The following FRMD4B variants were observed in gnomAD, a reference collection of about 807,000 sequenced individuals.
FRMD4B encodes the protein FERM domain-containing protein 4B.
In FRMD4B, 74 loss-of-function variants were observed where a neutral mutation model predicts 141.5. The observed-to-expected ratio is 0.52, with a 90% CI of 0.43 to 0.63. The LOEUF is 0.63. FRMD4B is among the 30% of genes least tolerant of loss of function. FRMD4B has a pLI of 0.00. For synonymous variants in FRMD4B, 506 were observed against 467.9 expected (o/e 1.08, Z -1.05); for missense variants, 1,366 against 1,253.4 (o/e 1.09, Z -1.36).
intron 1 of FRMD4B, among the ~76,000 whole-genome samples, chr3:69,341,762 A>G (rs148801667): frequency 3.9e-4 from 60 of 152,350 alleles, no homozygotes; most frequent in African/African-American, 1.3e-3. Context: ...CTTATAAAAT[A>G]GGCTTCATGC....
At chr3:69,378,533 G>A (rs539753193) in intron 1 of FRMD4B, among the ~76,000 whole-genome samples, 31 of 152,168 alleles carry the variant, frequency 2.0e-4, no homozygotes, top group Non-Finnish European at 4.4e-4. Context: ...GGATCCTGGG[G>A]CTGTTTGTTG....
chr3:69,501,498 G>A (rs898976664), intron 1 of FRMD4B, among the ~76,000 whole-genome samples: 4 of 152,060 alleles, frequency 2.6e-5, no homozygotes, highest in African/African-American at 4.8e-5. Context: ...CCTGACATGA[G>A]GCAAGCAGAA....
chr3:69,322,012 A>G (rs1255326765), intron 1 of FRMD4B, among the ~76,000 whole-genome samples: 1 of 152,162 alleles, frequency 6.6e-6, no homozygotes, highest in African/African-American at 2.4e-5. Context: ...CTGGCTCACA[A>G]ATGATTTAAA....
intron 1 of FRMD4B, among the ~76,000 whole-genome samples, chr3:69,343,179 C>G (rs1674897519): frequency 1.3e-5 from 2 of 152,094 alleles, no homozygotes; most frequent in East Asian, 1.9e-4. Flanking sequence ...GTCTTGACCT[C>G]CTGGCCTCAA....
rs372430031 is a variant in FRMD4B, at chr3:69,372,583, G to A, written c.162+13245C>T. On this transcript the variant is annotated intron_variant, in intron 1 of 22. Transcript: ENST00000398540. ...GGGAGGCTGAGGCAGGAGAATCACC[G>A]GAACCTGGGAGGTGGAGGTTGCAGT... 3.9e-4 allele frequency among the ~76,000 whole-genome samples: 60 copies of A among 152,168 alleles called. 2 individuals are homozygous for A. The highest frequency in any genetic ancestry group is 1.3e-3 in the African/African-American group (52 of 41,542).
chr3:69,409,251 G>A (rs1704713227), intron 2 of FRMD4B, among the ~76,000 whole-genome samples: 1 of 152,194 alleles, frequency 6.6e-6, no homozygotes, highest in African/African-American at 2.4e-5. Context: ...TTACCCTAGA[G>A]CTAGATGCCT....
intron 1 of FRMD4B, among the ~76,000 whole-genome samples, chr3:69,532,036 T>C (rs1559555028): frequency 6.6e-6 from 1 of 152,210 alleles, no homozygotes. Flanking sequence ...GACCATGATA[T>C]GTCCTCAATT....
chr3:69,175,198 T>C lies in FRMD4B; in HGVS notation c.2984+1326A>G, dbSNP rs575775159. ...TTTATAAGTTGTAGTCTGTATAACT[T>C]AGTATGTAGTCTGTGTCTGAAGCAC... On this transcript the variant is annotated intron_variant, in intron 22 of 22. Coordinates refer to ENST00000398540, the MANE Select transcript of FRMD4B (RefSeq NM_015123.3). Among the ~76,000 whole-genome samples, 9 of 152,314 alleles carry C rather than the reference T, an allele frequency of 5.9e-5. No individual in the cohort carries two copies. In the South Asian group the frequency reaches 1.9e-3, roughly 32 times the overall value.
intron 3 of FRMD4B, among the ~76,000 whole-genome samples, chr3:69,304,741 A>G (rs1320373198): frequency 1.3e-5 from 2 of 152,132 alleles, no homozygotes; most frequent in African/African-American, 2.4e-5. Context: ...TAGGCTGTAA[A>G]TTCCCAGAGG....
chr3:69,281,099 G>GT (rs1376196961), intron 5 of FRMD4B, among the ~76,000 whole-genome samples: 3 of 151,758 alleles, frequency 2.0e-5, no homozygotes, highest in Non-Finnish European at 4.4e-5. Context: ...CCCGGCTAAT[G>GT]TTTTTTGTAT....
chr3:69,412,023 T>C (rs553692136), intron 2 of FRMD4B, among the ~76,000 whole-genome samples: 1 of 152,376 alleles, frequency 6.6e-6, no homozygotes, highest in East Asian at 1.9e-4. Flanking sequence ...GTAACATTTA[T>C]TGAGTGCTCA....
chr3:69,389,032 CTTTTTT>C (rs34005688), upstream of FRMD4B, among the ~76,000 whole-genome samples: 8 of 108,780 alleles, frequency 7.4e-5, no homozygotes, highest in African/African-American at 1.0e-4. Flanking sequence ...TCTTAGTCTA[CTTTTTT>C]TTTTTTTTTT....
chr3:69,469,968 C>A (rs1705860570), intron 1 of FRMD4B, among the ~76,000 whole-genome samples: 1 of 152,154 alleles, frequency 6.6e-6, no homozygotes, highest in Non-Finnish European at 1.5e-5. Context: ...CAGTATAGCA[C>A]AGTTCTCTGT....
intron 21 of FRMD4B, 76 bp downstream of exon 21, chr3:69,180,823 G>C (rs13084205): frequency 1.3e-4 from 127 of 1,010,478 alleles, no homozygotes; most frequent in African/African-American, 7.6e-4. Context: ...CTCATGATCC[G>C]TGAGGCGGTT....
rs138249507 is a variant in FRMD4B at position 69,504,365 on chromosome 3, A to G, written c.-129+37841T>C. Among the ~76,000 whole-genome samples the G allele has an allele frequency of 4.0e-3, 609 of 152,228 alleles. 10 individuals carry two copies. Among genetic ancestry groups the G allele is most frequent in the African/African-American group, 0.014 (572 of 41,528 alleles). Reference sequence around the variant, plus strand: ...AAAATTCACCCACTTAAAGTGTACAATTCAATGGTTTTTAGTGTATTCAGA... The same window carrying G: ...AAAATTCACCCACTTAAAGTGTACAGTTCAATGGTTTTTAGTGTATTCAGA... On this transcript the variant is annotated intron_variant, in intron 1 of 5. Transcript: ENST00000459638.
intron 2 of FRMD4B, among the ~76,000 whole-genome samples, chr3:69,421,773 T>C (rs2106810170): frequency 6.6e-6 from 1 of 152,338 alleles, no homozygotes; most frequent in African/African-American, 2.4e-5. Flanking sequence ...ATCTGAAACA[T>C]GTCCAGCTTT....
intron 2 of FRMD4B, among the ~76,000 whole-genome samples, chr3:69,412,001 C>T (rs189393371): frequency 6.6e-6 from 1 of 152,318 alleles, no homozygotes; most frequent in East Asian, 1.9e-4. Context: ...TTCTAGATGA[C>T]AGTAAAAACA....
rs144608018 is a variant in FRMD4B, at chr3:69,444,248, T to C, written c.-128-11487A>G. ...AGCCTTGCATTAATTAAACTCTTTG[T>C]TTACTGCAATAATGCTGTCTCAGTG... On this transcript the variant is annotated intron_variant, in intron 1 of 5. Transcript: ENST00000459638. Among the ~76,000 whole-genome samples the C allele has an allele frequency of 7.9e-5, 12 of 152,308 alleles. No homozygotes were observed. The East Asian group carries it at 2.3e-3, about 29-fold the overall frequency.
rs550292269 is a variant in FRMD4B, at chr3:69,449,821, C to G, written c.-128-17060G>C. Among the ~76,000 whole-genome samples, 3 of 152,080 alleles carry G rather than the reference C, an allele frequency of 2.0e-5. No individual in the cohort carries two copies. In the South Asian group the frequency reaches 6.2e-4, roughly 32 times the overall value. On this transcript the variant is annotated intron_variant, in intron 1 of 5. Transcript: ENST00000459638. ...AAAGCACAAAGAAAAACTGTTAGAC[C>G]AATTTTTAACAATTTAAAATTGTTA...
Sources: allele counts gnomAD v4.1 joint callset (sites outside exome capture counted in the v4.1 genomes callset), GRCh38; gene constraint gnomAD v4.1.1; transcripts MANE v1.5; gene names NCBI Gene and HGNC (gene_info 2026-07-23, HGNC 2026-07-21).